Variants in MEMO1 observed in about 807,000 individuals in gnomAD.
MEMO1 encodes the protein protein MEMO1.
MEMO1 carries 6 observed loss-of-function variants against 45.2 expected under a neutral mutation model. The ratio of observed to expected loss-of-function variants is 0.13; its 90% CI spans 0.07 to 0.26. The LOEUF (loss-of-function observed/expected upper bound fraction) is 0.26, where lower values mean the gene tolerates loss of function less well. Among genes scored for constraint, MEMO1 ranks in the 10% least tolerant of loss-of-function variants. MEMO1 has a pLI of 1.00. For missense variants in MEMO1, 184 were observed against 370.5 expected (o/e 0.50, Z 4.13); for synonymous variants, 78 against 124.3 (o/e 0.63, Z 2.48).
Position 31,897,826 on chromosome 2 carries a change from A to G in MEMO1, c.438-5692T>C, listed in dbSNP as rs371985458. On this transcript the variant is annotated intron_variant, in intron 6 of 9. Coordinates refer to ENST00000404530, the MANE Select transcript of MEMO1 (RefSeq NM_001301833.4). ...CCTCTTTGTACCTCTGGTAGAATTCAGCTATGAATGCATCTGGTCCTGGGC... is the reference window on the plus strand; with the variant it reads ...CCTCTTTGTACCTCTGGTAGAATTCGGCTATGAATGCATCTGGTCCTGGGC... Among the ~76,000 whole-genome samples, 830 of 150,868 alleles carry G rather than the reference A, an allele frequency of 5.5e-3. 8 individuals are homozygous for G. The highest frequency in any genetic ancestry group is 0.029 in the Middle Eastern group (8 of 280).
At chr2:31,948,072 T>C (rs143208425) in intron 2 of MEMO1, among the ~76,000 whole-genome samples, 150 of 152,368 alleles carry the variant, frequency 9.8e-4, no homozygotes, top group Middle Eastern at 3.4e-3. Context: ...ATTTCTAACA[T>C]GCTTCTCAGG....
At chr2:31,969,144 G>GAT (rs1668975357) in intron 2 of MEMO1, among the ~76,000 whole-genome samples, 1 of 151,634 alleles carries the variant, frequency 6.6e-6, no homozygotes, top group South Asian at 2.1e-4. Flanking sequence ...CTGGCCATTT[G>GAT]ATAAGTAAGA....
At chr2:31,905,232 T>G (rs1324370067) in intron 6 of MEMO1, among the ~76,000 whole-genome samples, 1 of 150,760 alleles carries the variant, frequency 6.6e-6, no homozygotes, top group African/African-American at 2.4e-5. Flanking sequence ...AAATCCTATC[T>G]CCAAAAAAGA....
chr2:31,935,009 A>G (rs993510407), intron 3 of MEMO1, among the ~76,000 whole-genome samples: 3 of 152,212 alleles, frequency 2.0e-5, no homozygotes, highest in African/African-American at 7.2e-5. Context: ...TAATAGTAAC[A>G]TTTACTGACT....
chr2:32,002,905 G>T (rs1320065610), intron 2 of MEMO1, among the ~76,000 whole-genome samples: 1 of 152,174 alleles, frequency 6.6e-6, no homozygotes, highest in Non-Finnish European at 1.5e-5. Flanking sequence ...CAGTTTGCCT[G>T]TTAAATATGT....
At chr2:31,970,634 C>CAAA (rs1403884555) in intron 2 of MEMO1, among the ~76,000 whole-genome samples, 1 of 130,818 alleles carries the variant, frequency 7.6e-6, no homozygotes, top group African/African-American at 2.8e-5. Context: ...CAGGATGAAG[C>CAAA]AAAAAAAAAA....
intron 8 of MEMO1, 63 bp from the exon 9 acceptor site, chr2:31,870,015 C>T (rs1003882381): frequency 1.6e-5 from 20 of 1,214,682 alleles, no homozygotes; most frequent in Non-Finnish European, 2.1e-5. Flanking sequence ...TTTATTATTT[C>T]CTAATTATAT....
chr2:31,868,173 A>G lies in MEMO1; in HGVS notation c.*188T>C, dbSNP rs1312087899. ...AGCCTTCCTTCCACTGCCCTAAACT[A>G]TAAAGCATTTTTTAATGAGTTGAAA... On this transcript the variant is annotated 3_prime_UTR_variant, in exon 10 of 10. Coordinates refer to ENST00000404530, the MANE Select transcript of MEMO1 (RefSeq NM_001301833.4). The G allele has an allele frequency of 1.1e-5, 5 of 440,930 alleles. No homozygotes were observed. The highest frequency in any genetic ancestry group is 1.9e-5 in the Non-Finnish European group (5 of 267,754). The allele number at this position is 440,930 out of a possible 1,614,324, so 27.3% of individuals were successfully genotyped here.
intron 2 of MEMO1, among the ~76,000 whole-genome samples, chr2:31,955,704 G>T (rs1667340114): frequency 1.3e-5 from 2 of 151,992 alleles, no homozygotes; most frequent in South Asian, 2.1e-4. Flanking sequence ...CACCTCCAGG[G>T]TTCAAGTGAT....
At chr2:31,995,116 T>C (rs1672430108) in intron 2 of MEMO1, among the ~76,000 whole-genome samples, 1 of 151,930 alleles carries the variant, frequency 6.6e-6, no homozygotes, top group Non-Finnish European at 1.5e-5. Context: ...ATTGTAGAAA[T>C]ATTCAATATG....
At chr2:31,952,402 C>T (rs142246796) in intron 2 of MEMO1, among the ~76,000 whole-genome samples, 10 of 152,280 alleles carry the variant, frequency 6.6e-5, no homozygotes, top group African/African-American at 2.4e-4. Flanking sequence ...ACTTTTCTGT[C>T]CGTTCATATA....
In MEMO1 at chr2:32,010,968, T is replaced by C. The variant is rs1439361906; in HGVS notation, c.-44A>G. 1 of 152,356 alleles carries C rather than the reference T, an allele frequency of 6.6e-6. No homozygotes were observed. Among genetic ancestry groups the C allele is most frequent in the East Asian group, 1.9e-4 (1 of 5,188 alleles). The allele number at this position is 152,356 out of a possible 1,614,324, so 9.4% of individuals were successfully genotyped here. A position where few individuals can be genotyped will look rare whatever the true frequency, so the allele number is the denominator to read the frequency against. On this transcript the variant is annotated 5_prime_UTR_variant, in exon 1 of 10. Coordinates refer to ENST00000404530, the MANE Select transcript of MEMO1 (RefSeq NM_001301833.4). Reference sequence around the variant, plus strand: ...CGCCACTCTAACGGGTCCTGCCCACTGAGCATGCCCAGCACCGCTGCCTAC... The same window carrying C: ...CGCCACTCTAACGGGTCCTGCCCACCGAGCATGCCCAGCACCGCTGCCTAC...
At chr2:31,971,838 C>T (rs954423874) in intron 2 of MEMO1, among the ~76,000 whole-genome samples, 1 of 152,096 alleles carries the variant, frequency 6.6e-6, no homozygotes, top group Non-Finnish European at 1.5e-5. Flanking sequence ...GGCGTGGTGG[C>T]ACACACCTAT....
At chr2:31,882,832 A>T (rs919266806) in intron 8 of MEMO1, among the ~76,000 whole-genome samples, 1 of 152,180 alleles carries the variant, frequency 6.6e-6, no homozygotes, top group Non-Finnish European at 1.5e-5. Flanking sequence ...AAGTTTACAT[A>T]TAATTCCTCC....
At chr2:31,920,104 A>T (rs1682067045) in intron 5 of MEMO1, among the ~76,000 whole-genome samples, 4 of 151,938 alleles carry the variant, frequency 2.6e-5, no homozygotes, top group Non-Finnish European at 5.9e-5. Context: ...TGTGGATGTT[A>T]AGTACATCAG....
At chr2:31,956,341 A>G (rs917685528) in intron 2 of MEMO1, among the ~76,000 whole-genome samples, 8 of 137,766 alleles carry the variant, frequency 5.8e-5, no homozygotes, top group African/African-American at 1.8e-4. Context: ...AATTTCTTTG[A>G]AAAAAAAAAA....
At chr2:31,989,945 C>A (rs770503868) in intron 2 of MEMO1, among the ~76,000 whole-genome samples, 34 of 152,084 alleles carry the variant, frequency 2.2e-4, no homozygotes, top group Non-Finnish European at 3.5e-4. Flanking sequence ...TGGTGAAACC[C>A]TGTCTCTACA....
At chr2:31,923,791 GCATA>G in intron 4 of MEMO1, 1 of 1,489,426 alleles carries the variant, frequency 6.7e-7, no homozygotes, top group Non-Finnish European at 8.9e-7. Flanking sequence ...TAAATTCAAG[GCATA>G]CATAAATTTC....
chr2:31,895,490 C>A (rs1245724839), intron 6 of MEMO1, among the ~76,000 whole-genome samples: 1 of 152,054 alleles, frequency 6.6e-6, no homozygotes, highest in Non-Finnish European at 1.5e-5. Flanking sequence ...ATAAAAAATT[C>A]AAATGAGTTC....
Sources: allele counts gnomAD v4.1 joint callset (sites outside exome capture counted in the v4.1 genomes callset), GRCh38; gene constraint gnomAD v4.1.1; transcripts MANE v1.5; gene names NCBI Gene and HGNC (gene_info 2026-07-23, HGNC 2026-07-21).